Variants in EML5 observed in about 807,000 individuals in gnomAD.
EML5 encodes the protein echinoderm microtubule-associated protein-like 5.
Under a neutral mutation model 250.0 loss-of-function variants are expected in EML5, and 120 were observed. That is an observed-to-expected ratio of 0.48 (90% confidence interval 0.41 to 0.56). The LOEUF is 0.56. Ranked by LOEUF, EML5 falls within the 20% of genes least tolerant of loss-of-function variation. EML5 has a pLI of 0.00. For synonymous variants in EML5, 771 were observed against 806.5 expected, an observed-to-expected ratio of 0.96 and a Z score of 0.75; for missense variants, 2,006 against 2,437.6, an observed-to-expected ratio of 0.82 and a Z score of 3.73.
chr14:88,688,301 C>T lies in EML5; in HGVS notation c.2712G>A (p.Gly904=). The part of the protein sequence containing the change: ...FLVKTVKAHD[G]PVFSMHALEK... The stretch of plus-strand genomic sequence containing the variant: ...CCAATGCATGCATACTGAACACTGG[C>T]CCATCATGCGCTTTCACTGTTTTTA... The change falls in exon 18 of 44, where the codon GGG becomes GGA. Residue 904 remains glycine (G), a synonymous_variant. Coordinates refer to ENST00000554922, the MANE Select transcript of EML5 (RefSeq NM_183387.3). 1 of 1,613,818 alleles carries T rather than the reference C, an allele frequency of 6.2e-7. No homozygotes were observed. The highest frequency in any genetic ancestry group is 8.5e-7 in the Non-Finnish European group (1 of 1,179,868).
At position 88,626,894 on chromosome 14, in the gene EML5, G is replaced by A. The variant is rs1473802399; in HGVS notation, c.4684C>T (p.Leu1562=). 5.6e-6 allele frequency: 9 copies of A among 1,614,010 alleles called. No homozygotes were observed. In the Admixed American group the frequency reaches 1.0e-4, roughly 18 times the overall value. The change falls in exon 35 of 44, where the codon CTG becomes TTG. Residue 1562 remains leucine, a synonymous_variant. Coordinates refer to ENST00000554922, the MANE Select transcript of EML5 (RefSeq NM_183387.3). The part of the protein sequence containing the change: ...GRALLSKKGL[L]STLEDARMQT... ...ATCCGGGCATCTTCCAGTGTGCTCA[G>A]TAGCCCTTTTTTGCTAAGAAGAGCT...
intron 17 of EML5, among the ~76,000 whole-genome samples, chr14:88,689,125 A>G (rs2092903185): frequency 1.3e-5 from 2 of 152,164 alleles, no homozygotes; most frequent in Non-Finnish European, 2.9e-5. Flanking sequence ...CCATTTTCCT[A>G]TTAATGGAGA....
At position 88,712,280 on chromosome 14, in the gene EML5, A is replaced by C. The variant is rs1270718348; in HGVS notation, c.1648T>G (p.Leu550Val). 3.8e-5 allele frequency: 61 copies of C among 1,607,838 alleles called. No homozygotes were observed. Among genetic ancestry groups the C allele is most frequent in the Non-Finnish European group, 4.9e-5 (58 of 1,176,386 alleles). ...TTGAAAGAAAAGGTACCTTTTCTTA[A>C]ACATGGATATCGGAATAATTTTATA... Reference protein sequence around the residue: ...GIIKLFRYPCLRKGAKFRKYI... With the variant: ...GIIKLFRYPCVRKGAKFRKYI... The change falls in exon 10 of 44, where the codon TTA (leucine) becomes GTA (valine). Residue 550 changes from leucine to valine, a missense_variant. Around this residue, in one of 7 missense-constraint regions of EML5, gnomAD observed 1,375 missense variants for 1,590.3 expected, o/e 0.86. Coordinates refer to ENST00000554922, the MANE Select transcript of EML5 (RefSeq NM_183387.3).
intron 6 of EML5, among the ~76,000 whole-genome samples, chr14:88,738,303 C>A (rs2093875424): frequency 1.3e-5 from 2 of 151,828 alleles, no homozygotes; most frequent in African/African-American, 2.4e-5. Context: ...AAATTACCAG[C>A]CCAAGGTCAC....
chr14:88,740,413 T>A lies in EML5; in HGVS notation c.685A>T (p.Ile229Leu). ...DIYVWKGINL[I>L]RTIQGAHAAG... is the part of the protein sequence containing the mutation. Reference sequence around the variant, plus strand: ...GCATGGGCTCCTTGTATTGTTCGTATAAGATTGATTCCTTTCCAAACATAT... The same window carrying A: ...GCATGGGCTCCTTGTATTGTTCGTAAAAGATTGATTCCTTTCCAAACATAT... The change falls in exon 5 of 44, where the codon ATA becomes TTA. Residue 229 changes from isoleucine to leucine, a missense_variant. Physicochemically the swap from Ile to Leu is conservative, Grantham distance 5. This residue lies in a region of EML5 where 1,375 missense variants were observed against 1,590.3 expected (regional missense o/e 0.86). Coordinates refer to ENST00000554922, the MANE Select transcript of EML5 (RefSeq NM_183387.3). 6.2e-7 allele frequency: 1 copy of A among 1,612,804 alleles called. No homozygotes were observed. Among genetic ancestry groups the A allele is most frequent in the Non-Finnish European group, 8.5e-7 (1 of 1,179,422 alleles).
chr14:88,668,129 G>C (rs1173440201), intron 21 of EML5, among the ~76,000 whole-genome samples: 2 of 152,202 alleles, frequency 1.3e-5, no homozygotes, highest in Non-Finnish European at 2.9e-5. Flanking sequence ...TTCTATGGTG[G>C]CTACCTCTAA....
intron 7 of EML5, among the ~76,000 whole-genome samples, chr14:88,726,889 G>A (rs1479449140): frequency 6.6e-6 from 1 of 152,020 alleles, no homozygotes; most frequent in African/African-American, 2.4e-5. Context: ...TTTTTTTGGC[G>A]ACATCACGTC....
intron 20 of EML5, among the ~76,000 whole-genome samples, chr14:88,682,985 T>G (rs540096090): frequency 6.6e-6 from 1 of 150,816 alleles, no homozygotes; most frequent in African/African-American, 2.4e-5. Context: ...GAAATCCAGA[T>G]AGCTCCTAAT....
At chr14:88,788,232 A>G (rs1394072080) in intron 1 of EML5, among the ~76,000 whole-genome samples, 1 of 152,212 alleles carries the variant, frequency 6.6e-6, no homozygotes, top group Non-Finnish European at 1.5e-5. Flanking sequence ...CGCTTTTCCA[A>G]TTACAATTTT....
chr14:88,716,621 G>A (rs1027065761), intron 8 of EML5, among the ~76,000 whole-genome samples: 1 of 152,002 alleles, frequency 6.6e-6, no homozygotes, highest in Non-Finnish European at 1.5e-5. Flanking sequence ...TTCTTCAGAA[G>A]TATTTTGGTA....
At chr14:88,625,250 G>A (rs1441912808) in intron 35 of EML5, 123 bp from the exon 36 acceptor site, 1 of 1,151,706 alleles carries the variant, frequency 8.7e-7, no homozygotes, top group Non-Finnish European at 1.2e-6. Flanking sequence ...GCATCGTGTA[G>A]TGGCAGCAGC....
rs747335649 is a variant in EML5 at position 88,657,474 on chromosome 14, A to G, written c.3906T>C (p.Asn1302=). 1 of 1,607,128 alleles carries G rather than the reference A, an allele frequency of 6.2e-7. No individual in the cohort carries two copies. The highest frequency in any genetic ancestry group is 1.1e-5 in the South Asian group (1 of 89,888). Residue 1302 remains asparagine (N), a synonymous_variant, in exon 27 of 44, where the codon AAT becomes AAC. Coordinates refer to ENST00000554922, the MANE Select transcript of EML5 (RefSeq NM_183387.3). Reference sequence around the variant, plus strand: ...AGGCTCTGATGGTGTAACTGATTTCATTCTCCCTTGTAACATCACTGTCAT... The same window carrying G: ...AGGCTCTGATGGTGTAACTGATTTCGTTCTCCCTTGTAACATCACTGTCAT... The part of the protein sequence containing the change: ...GGYDSDVTRE[N]EISYTIRALS...
chr14:88,707,878 T>C (rs960879702), intron 10 of EML5, among the ~76,000 whole-genome samples: 8 of 152,190 alleles, frequency 5.3e-5, no homozygotes, highest in Non-Finnish European at 1.2e-4. Context: ...ACTACTACCT[T>C]TGATGCAACC....
intron 4 of EML5, among the ~76,000 whole-genome samples, chr14:88,742,139 G>A (rs1455121994): frequency 6.6e-6 from 1 of 152,106 alleles, no homozygotes; most frequent in African/African-American, 2.4e-5. Context: ...CAGAATCTCT[G>A]AAGCATGAAG....
At chr14:88,749,226 A>G (rs976704452) in intron 2 of EML5, among the ~76,000 whole-genome samples, 5 of 152,208 alleles carry the variant, frequency 3.3e-5, no homozygotes, top group Non-Finnish European at 7.4e-5. Flanking sequence ...CAAAGATTTA[A>G]AAATTATCCT....
intron 1 of EML5, among the ~76,000 whole-genome samples, chr14:88,756,850 C>T (rs1380086193): frequency 6.9e-6 from 1 of 144,604 alleles, no homozygotes; most frequent in Non-Finnish European, 1.5e-5. Context: ...AATGGAAAGA[C>T]ATCTCATTTC....
intron 31 of EML5, among the ~76,000 whole-genome samples, chr14:88,639,738 A>T (rs2090953758): frequency 6.6e-6 from 1 of 151,818 alleles, no homozygotes. Context: ...CATCATGCCC[A>T]GCTATATATT....
At chr14:88,769,924 G>A (rs532010717) in intron 1 of EML5, among the ~76,000 whole-genome samples, 9 of 150,912 alleles carry the variant, frequency 6.0e-5, no homozygotes, top group South Asian at 2.1e-4. Context: ...TGGTAGCCCT[G>A]TGGAGGACAA....
At chr14:88,705,399 GA>G (rs1418962812) in intron 12 of EML5, 82 bp downstream of exon 12, 1 of 1,006,864 alleles carries the variant, frequency 9.9e-7, no homozygotes, top group African/African-American at 1.6e-5. Flanking sequence ...AGCCACAAAA[GA>G]TAACAACAGA....
Sources: gnomAD v4.1 joint callset for allele counts (sites outside exome capture counted in the v4.1 genomes callset) on GRCh38, gnomAD v4.1.1 for gene constraint, gnomAD v4.1.1 regional missense constraint, MANE v1.5 for transcripts, NCBI Gene and HGNC (gene_info 2026-07-23, HGNC 2026-07-21) for gene names.